The following KLRG1 variants were observed in gnomAD, a reference collection of about 807,000 sequenced individuals.
KLRG1 encodes killer cell lectin like receptor G1.
KLRG1 carries 16 observed loss-of-function variants against 21.8 expected under a neutral mutation model. The observed-to-expected ratio is 0.73, with a 90% CI of 0.50 to 1.11. KLRG1 has a LOEUF of 1.11. KLRG1 is among the 50% of genes most tolerant of loss of function. The pLI, the probability that KLRG1 is intolerant of heterozygous loss-of-function variation, is 0.00. For synonymous variants in KLRG1, 69 were observed against 75.9 expected (o/e 0.91, Z 0.47); for missense variants, 173 against 218.3 (o/e 0.79, Z 1.31).
At chr12:8,973,412 G>A (rs1946604586) in intron 1 of KLRG1, among the ~76,000 whole-genome samples, 1 of 152,080 alleles carries the variant, frequency 6.6e-6, no homozygotes, top group Non-Finnish European at 1.5e-5. Flanking sequence ...TTATAAAAAG[G>A]CTGGAGGAAA....
chr12:9,028,945 G>C, the KLRG1 span: 1 of 629,996 alleles, frequency 1.6e-6, no homozygotes, highest in East Asian at 3.6e-5. Context: ...TTGGTGTTTG[G>C]GTCTCTCATT....
chr12:9,020,027 T>G, the KLRG1 span, among the ~76,000 whole-genome samples: 1 of 151,808 alleles, frequency 6.6e-6, no homozygotes, highest in East Asian at 1.9e-4. Context: ...CTGTGACAGA[T>G]TCTTAATCAT....
chr12:9,066,736 C>G, the KLRG1 span: 1 of 152,224 alleles, frequency 6.6e-6, no homozygotes, highest in Non-Finnish European at 1.5e-5. Flanking sequence ...CTTATTTTGT[C>G]TAGCCTGGAG....
the KLRG1 span, among the ~76,000 whole-genome samples, chr12:9,162,038 T>C: frequency 1.3e-5 from 2 of 152,144 alleles, no homozygotes; most frequent in African/African-American, 4.8e-5. Context: ...TTCGGCTCAC[T>C]GCAACCTCCC....
intron 4 of KLRG1, 131 bp from the exon 5 acceptor site, chr12:9,009,295 C>A (rs759261254): frequency 6.4e-6 from 7 of 1,089,938 alleles, no homozygotes; most frequent in South Asian, 3.3e-5. Context: ...AATTTTAATT[C>A]TTCTGCTGTT....
the KLRG1 span, chr12:9,079,398 A>G: frequency 1.4e-6 from 2 of 1,470,364 alleles, no homozygotes; most frequent in South Asian, 2.3e-5. Context: ...AGAAATTACT[A>G]AAAGTACCTT....
chr12:9,030,520 C>T, the KLRG1 span, among the ~76,000 whole-genome samples: 1 of 152,102 alleles, frequency 6.6e-6, no homozygotes, highest in South Asian at 2.1e-4. Context: ...GATTCTCCTG[C>T]CTCAGCCTCC....
At chr12:8,957,093 C>G (rs1054025996) in intron 1 of KLRG1, among the ~76,000 whole-genome samples, 3 of 152,248 alleles carry the variant, frequency 2.0e-5, no homozygotes, top group African/African-American at 4.8e-5. Flanking sequence ...CCAAAAAATC[C>G]TGTGTCAATA....
the KLRG1 span, among the ~76,000 whole-genome samples, chr12:9,051,342 C>G: frequency 1.5e-4 from 23 of 152,030 alleles, no homozygotes; most frequent in Admixed American, 1.4e-3. Flanking sequence ...CCAGGGCTTC[C>G]TCTCTGCTGA....
the KLRG1 span, among the ~76,000 whole-genome samples, chr12:9,193,267 A>G: frequency 6.6e-6 from 1 of 152,090 alleles, no homozygotes. Context: ...GCACAATTCT[A>G]TTTCCCTTGT....
the KLRG1 span, among the ~76,000 whole-genome samples, chr12:9,161,672 A>G: frequency 6.6e-6 from 1 of 152,230 alleles, no homozygotes; most frequent in African/African-American, 2.4e-5. Flanking sequence ...TCCCATGTTT[A>G]TAAATAGATA....
chr12:9,005,506 T>C (rs1383995787), intron 3 of KLRG1, among the ~76,000 whole-genome samples: 1 of 152,166 alleles, frequency 6.6e-6, no homozygotes, highest in African/African-American at 2.4e-5. Flanking sequence ...AGTTAAACAC[T>C]GCATGTTCTC....
chr12:9,072,180 A>G, the KLRG1 span, among the ~76,000 whole-genome samples: 1 of 152,252 alleles, frequency 6.6e-6, no homozygotes, highest in African/African-American at 2.4e-5. Context: ...ACAATAGTAG[A>G]TCCTGGATGG....
the KLRG1 span, among the ~76,000 whole-genome samples, chr12:9,081,959 T>A: frequency 3.3e-4 from 50 of 152,334 alleles, no homozygotes; most frequent in East Asian, 1.9e-3. Context: ...GCTGGTCACT[T>A]TCAGAAGCAT....
chr12:9,153,044 C>T, the KLRG1 span: 14 of 1,604,438 alleles, frequency 8.7e-6, no homozygotes, highest in Non-Finnish European at 1.2e-5. Context: ...CTTTTACTTT[C>T]CCAGGAAGGA....
chr12:8,997,739 C>A (rs1406044615), intron 3 of KLRG1, among the ~76,000 whole-genome samples: 2 of 152,098 alleles, frequency 1.3e-5, no homozygotes, highest in Non-Finnish European at 2.9e-5. Context: ...CAGAGGCTAC[C>A]ATGGATTGAG....
the KLRG1 span, chr12:9,080,127 C>T: frequency 1.3e-6 from 2 of 1,590,896 alleles, no homozygotes; most frequent in South Asian, 1.2e-5. Flanking sequence ...GCAGATTCTT[C>T]TACCACATTT....
At chr12:9,108,448 G>T in the KLRG1 span, among the ~76,000 whole-genome samples, 1 of 152,156 alleles carries the variant, frequency 6.6e-6, no homozygotes, top group South Asian at 2.1e-4. Flanking sequence ...TACAAAAGTG[G>T]GATTGTGTCG....
the KLRG1 span, among the ~76,000 whole-genome samples, chr12:9,035,152 G>A: frequency 6.6e-6 from 1 of 152,166 alleles, no homozygotes; most frequent in East Asian, 1.9e-4. Flanking sequence ...GTGTAGTTTG[G>A]AGATTTCTCG....
Sources: allele counts gnomAD v4.1 joint callset (sites outside exome capture counted in the v4.1 genomes callset), GRCh38; gene constraint gnomAD v4.1.1; transcripts MANE v1.5; gene names NCBI Gene and HGNC (gene_info 2026-07-23, HGNC 2026-07-21).